The following FANCA variants were observed in gnomAD, a reference collection of about 807,000 sequenced individuals.
FANCA encodes Fanconi anemia group A protein.
A neutral mutation model predicts 194.3 loss-of-function variants in FANCA; 236 were observed. The observed-to-expected ratio is 1.21, with a 90% CI of 1.09 to 1.35. The LOEUF is 1.35. Ranked by LOEUF, FANCA falls within the 40% of genes most tolerant of loss-of-function variation. The pLI is 0.00. For missense variants in FANCA, 2,628 were observed against 1,813.9 expected (o/e 1.45, Z -8.15); for synonymous variants, 1,014 against 715.8 (o/e 1.42, Z -6.65).
chr16:89,785,530 C>T (rs1404136444), intron 14 of FANCA, among the ~76,000 whole-genome samples: 1 of 152,166 alleles, frequency 6.6e-6, no homozygotes. Context: ...CCTAGCAGAG[C>T]AAGCGAGGAA....
At chr16:89,766,470 G>A (rs1249743106) in intron 27 of FANCA, among the ~76,000 whole-genome samples, 1 of 151,990 alleles carries the variant, frequency 6.6e-6, no homozygotes, top group Non-Finnish European at 1.5e-5. Context: ...AGCACTTTGG[G>A]AGGCCAAGGC....
rs780078373 is a variant in FANCA, at chr16:89,745,010, G to A, written c.3575C>T (p.Pro1192Leu). Residue 1192 changes from proline (P) to leucine (L), a missense_variant, in exon 36 of 43, where the codon CCG becomes CTG. Coordinates refer to ENST00000389301, the MANE Select transcript of FANCA (RefSeq NM_000135.4). ...LCRWRRHCQS[P>L]LPRELQKLQE... ...TAGCTTCTGCAGTTCCCGGGGCAGC[G>A]GGCTCTGGCAGTGTCTCCTCCACCG... The A allele has an allele frequency of 8.1e-6, 13 of 1,610,978 alleles. No individual in the cohort carries two copies. Among genetic ancestry groups the A allele is most frequent in the South Asian group, 3.3e-5 (3 of 91,020 alleles).
intron 7 of FANCA, among the ~76,000 whole-genome samples, chr16:89,803,854 C>G (rs1161549202): frequency 1.3e-5 from 2 of 152,094 alleles, no homozygotes; most frequent in Non-Finnish European, 2.9e-5. Flanking sequence ...CTCCTGACCT[C>G]ATGATCCACC....
rs959288337 is a variant in FANCA, at chr16:89,779,266, C to G, written c.1716-263G>C. Among the ~76,000 whole-genome samples, 5 of 152,130 alleles carry G rather than the reference C, an allele frequency of 3.3e-5. No homozygotes were observed. In the East Asian group the frequency reaches 7.7e-4, roughly 23 times the overall value. On this transcript the variant is annotated intron_variant, in intron 18 of 42. Coordinates refer to ENST00000389301, the MANE Select transcript of FANCA (RefSeq NM_000135.4). ...TGGAGCCTGGATCAATCTGAGGCCA[C>G]GAGGACCATGTAAGGTCCATTTGGG... is the stretch of plus-strand genomic sequence containing the variant.
rs765812445 is a variant in FANCA, at chr16:89,782,893, T to C, written c.1592A>G (p.Tyr531Cys). Residue 531 changes from tyrosine (Y) to cysteine (C), a missense_variant, in exon 17 of 43, where the codon TAC becomes TGC. Tyr to Cys is a radical substitution (Grantham distance 194). Transcript: ENST00000389301. ...GTCCCCAGCTGATGACAAATCCTCGTAGAGTCCCATGTTTTCTATAGAAAC... is the reference window on the plus strand; with the variant it reads ...GTCCCCAGCTGATGACAAATCCTCGCAGAGTCCCATGTTTTCTATAGAAAC... ...LKVSIENMGL[Y>C]EDLSSAGDIT... 2.5e-6 allele frequency: 4 copies of C among 1,614,092 alleles called. No homozygotes were observed. The highest frequency in any genetic ancestry group is 3.4e-6 in the Non-Finnish European group (4 of 1,179,968).
At chr16:89,814,149 A>C (rs926528898) in intron 3 of FANCA, among the ~76,000 whole-genome samples, 10 of 152,060 alleles carry the variant, frequency 6.6e-5, no homozygotes, top group Non-Finnish European at 1.5e-4. Context: ...CCACTCTCAA[A>C]CTGGGGGGAG....
intron 10 of FANCA, among the ~76,000 whole-genome samples, chr16:89,797,427 G>A (rs1197449657): frequency 6.6e-6 from 1 of 152,354 alleles, no homozygotes; most frequent in East Asian, 1.9e-4. Flanking sequence ...TCGGCTCTGT[G>A]CAAACTCAAG....
At chr16:89,739,606 A>G (rs2062073814) in intron 39 of FANCA, 53 bp from the exon 40 acceptor site, 3 of 1,538,242 alleles carry the variant, frequency 2.0e-6, no homozygotes, top group Non-Finnish European at 2.6e-6. Flanking sequence ...GCCTATTATC[A>G]GTGCTGGGGA....
chr16:89,780,070 T>A, intron 17 of FANCA, 113 bp from the exon 18 acceptor site: 2 of 942,814 alleles, frequency 2.1e-6, no homozygotes, highest in Non-Finnish European at 3.4e-6. Context: ...CTGTACACAT[T>A]AAAGGTAAAG....
chr16:89,745,454 G>C (rs980847981), intron 35 of FANCA, among the ~76,000 whole-genome samples: 3 of 146,136 alleles, frequency 2.1e-5, no homozygotes, highest in Non-Finnish European at 3.0e-5. Context: ...ACACTCCTCT[G>C]AGCTGGGAAC....
intron 14 of FANCA, among the ~76,000 whole-genome samples, chr16:89,787,169 C>T (rs1262502508): frequency 1.3e-5 from 2 of 152,158 alleles, no homozygotes; most frequent in Non-Finnish European, 2.9e-5. Flanking sequence ...TGGCTCAATC[C>T]GGTAATTCCA....
intron 11 of FANCA, among the ~76,000 whole-genome samples, chr16:89,793,359 C>A (rs1304195632): frequency 6.6e-6 from 1 of 152,186 alleles, no homozygotes; most frequent in African/African-American, 2.4e-5. Flanking sequence ...CACTTCTCAC[C>A]ATGTCCCCTC....
chr16:89,792,505 C>G lies in FANCA; in HGVS notation c.1049G>C (p.Arg350Pro). Reference sequence around the variant, plus strand: ...CAGTGAGGTGAGCAGAGGGTGTGTCCGCGCAAAGCTCCACTCTCTCTGCAT... The same window carrying G: ...CAGTGAGGTGAGCAGAGGGTGTGTCGGCGCAAAGCTCCACTCTCTCTGCAT... The part of the protein sequence containing the change: ...VQMQREWSFA[R>P]THPLLTSLYR... Residue 350 changes from arginine to proline, a missense_variant, in exon 12 of 43, where the codon CGG becomes CCG. Physicochemically the swap from Arg to Pro is moderately radical, Grantham distance 103. Transcript: ENST00000389301. The G allele has an allele frequency of 3.1e-6, 5 of 1,613,430 alleles. No individual in the cohort carries two copies. Among genetic ancestry groups the G allele is most frequent in the Non-Finnish European group, 4.2e-6 (5 of 1,180,004 alleles).
In FANCA at chr16:89,791,438, G is replaced by C. The variant is rs1242781028; in HGVS notation, c.1324C>G (p.Pro442Ala). ...LVVRQAALEG[P>A]SAFLSYADWF... ...TCTGCATATGACAGGAACGCAGAGG[G>C]GCCCTCCAGTGCTGCCTGGCGCACA... Residue 442 changes from proline (P) to alanine (A), a missense_variant, in exon 14 of 43, where the codon CCC becomes GCC. Pro to Ala is a conservative substitution (Grantham distance 27). Coordinates refer to ENST00000389301, the MANE Select transcript of FANCA (RefSeq NM_000135.4). 6.2e-7 allele frequency: 1 copy of C among 1,613,986 alleles called. No individual in the cohort carries two copies. Among genetic ancestry groups the C allele is most frequent in the Non-Finnish European group, 8.5e-7 (1 of 1,180,002 alleles).
At chr16:89,782,822 G>A in intron 17 of FANCA, 37 bp downstream of exon 17, 1 of 1,579,598 alleles carries the variant, frequency 6.3e-7, no homozygotes, top group Non-Finnish European at 8.7e-7. Context: ...TGGTGGGCGT[G>A]ACTGGCTGAG....
chr16:89,768,104 G>GCAA (rs754498576), intron 26 of FANCA, among the ~76,000 whole-genome samples: 1 of 152,244 alleles, frequency 6.6e-6, no homozygotes, highest in African/African-American at 2.4e-5. Context: ...ACCAGCTTGG[G>GCAA]CAACACAGTG....
At chr16:89,793,657 C>G (rs889480106) in intron 11 of FANCA, among the ~76,000 whole-genome samples, 3 of 151,692 alleles carry the variant, frequency 2.0e-5, no homozygotes, top group Non-Finnish European at 4.4e-5. Context: ...CAGTGCTCAC[C>G]ACAGCCTCGA....
intron 8 of FANCA, 27 bp downstream of exon 8, chr16:89,803,232 A>C (rs771919867): frequency 3.1e-6 from 5 of 1,607,310 alleles, no homozygotes; most frequent in Non-Finnish European, 4.3e-6. Context: ...CCTTCCGCTA[A>C]ACTCTTCACT....
At chr16:89,813,409 T>TA (rs34267963) in intron 3 of FANCA, among the ~76,000 whole-genome samples, 65,275 of 139,456 alleles carry the variant, frequency 0.47, 16,068 homozygotes, top group East Asian at 0.97. Context: ...CCCTGTCTGT[T>TA]AAAAAAAAAA....
Sources: allele counts gnomAD v4.1 joint callset (sites outside exome capture counted in the v4.1 genomes callset), GRCh38; gene constraint gnomAD v4.1.1; transcripts MANE v1.5; gene names NCBI Gene and HGNC (gene_info 2026-07-23, HGNC 2026-07-21).